Variants in SPAG16 observed in about 807,000 individuals in gnomAD.
SPAG16 encodes the protein sperm-associated antigen 16 protein.
A neutral mutation model predicts 80.4 loss-of-function variants in SPAG16; 86 were observed. The observed-to-expected ratio is 1.07, with a 90% CI of 0.90 to 1.28. The LOEUF (loss-of-function observed/expected upper bound fraction) is 1.28. Ranked by LOEUF, SPAG16 falls within the 50% of genes most tolerant of loss-of-function variation. The probability of loss-of-function intolerance (pLI) is 0.00; values close to 1 mark genes in which losing one functional copy is unlikely to be tolerated. For missense variants in SPAG16, 870 were observed against 765.3 expected, an observed-to-expected ratio of 1.14 and a Z score of -1.61; for synonymous variants, 294 against 265.9, an observed-to-expected ratio of 1.11 and a Z score of -1.03.
At chr2:213,603,938 T>G (rs1389745557) in intron 10 of SPAG16, among the ~76,000 whole-genome samples, 1 of 152,068 alleles carries the variant, frequency 6.6e-6, no homozygotes, top group Non-Finnish European at 1.5e-5. Flanking sequence ...TTTTTTTTTT[T>G]TTTGAGATAG....
chr2:214,315,348 TATA>T (rs1695599442), intron 15 of SPAG16, among the ~76,000 whole-genome samples: 1 of 152,142 alleles, frequency 6.6e-6, no homozygotes, highest in Non-Finnish European at 1.5e-5. Flanking sequence ...CTGGTTCCCT[TATA>T]ATCTCCATTT....
At chr2:214,097,430 C>T (rs966967480) in intron 13 of SPAG16, among the ~76,000 whole-genome samples, 2 of 152,004 alleles carry the variant, frequency 1.3e-5, no homozygotes, top group African/African-American at 2.4e-5. Flanking sequence ...TGGCTAAGTA[C>T]AGAAGGTTCT....
chr2:213,336,680 G>A (rs1228062260), intron 5 of SPAG16, among the ~76,000 whole-genome samples: 2 of 152,178 alleles, frequency 1.3e-5, no homozygotes. Context: ...ACTGGGTGAG[G>A]CCTCTCTGTG....
intron 15 of SPAG16, among the ~76,000 whole-genome samples, chr2:214,312,456 C>A (rs901815813): frequency 6.6e-6 from 1 of 152,140 alleles, no homozygotes; most frequent in Non-Finnish European, 1.5e-5. Flanking sequence ...TGCTCATATT[C>A]TCAAGGTGTA....
intron 11 of SPAG16, among the ~76,000 whole-genome samples, chr2:213,903,044 C>T (rs2077283125): frequency 6.6e-6 from 1 of 152,160 alleles, no homozygotes; most frequent in African/African-American, 2.4e-5. Context: ...TCTTGGGCAG[C>T]TCCACCCCTG....
chr2:213,743,552 A>T (rs1248551352), intron 10 of SPAG16, among the ~76,000 whole-genome samples: 2 of 152,292 alleles, frequency 1.3e-5, no homozygotes, highest in East Asian at 3.9e-4. Flanking sequence ...TTTAATATTA[A>T]GACATTTAAG....
intron 13 of SPAG16, among the ~76,000 whole-genome samples, chr2:214,047,425 G>A (rs916066601): frequency 1.2e-4 from 18 of 152,098 alleles, no homozygotes; most frequent in Admixed American, 5.9e-4. Flanking sequence ...CAAAAGTGCC[G>A]AGAACACACA....
chr2:213,388,476 A>C (rs1216969301), intron 9 of SPAG16, among the ~76,000 whole-genome samples: 3 of 152,202 alleles, frequency 2.0e-5, no homozygotes, highest in Non-Finnish European at 4.4e-5. Context: ...GAAAGTGACC[A>C]CACAAGCCTG....
chr2:214,400,995 G>T (rs1198696344), intron 15 of SPAG16, among the ~76,000 whole-genome samples: 1 of 151,990 alleles, frequency 6.6e-6, no homozygotes, highest in Non-Finnish European at 1.5e-5. Flanking sequence ...AAAAATGCTG[G>T]AAAAGTTTTT....
intron 10 of SPAG16, among the ~76,000 whole-genome samples, chr2:213,795,176 T>C (rs904879788): frequency 6.6e-6 from 1 of 152,196 alleles, no homozygotes; most frequent in African/African-American, 2.4e-5. Context: ...AGTTGTGAGA[T>C]AAACTCTGTA....
At chr2:214,252,400 C>T (rs1690357813) in intron 15 of SPAG16, among the ~76,000 whole-genome samples, 1 of 151,908 alleles carries the variant, frequency 6.6e-6, no homozygotes, top group Non-Finnish European at 1.5e-5. Flanking sequence ...CACCCATCAA[C>T]CCATCATCTA....
At chr2:213,284,888 T>G in intron 1 of SPAG16, 1 of 428,690 alleles carries the variant, frequency 2.3e-6, no homozygotes, top group South Asian at 8.3e-5. Flanking sequence ...ACTCAGTACA[T>G]TTTGGATGGA....
intron 10 of SPAG16, among the ~76,000 whole-genome samples, chr2:213,763,096 A>G (rs1268461637): frequency 6.6e-6 from 1 of 152,162 alleles, no homozygotes; most frequent in Non-Finnish European, 1.5e-5. Context: ...CACCTCACAC[A>G]TGTTAGGATG....
chr2:214,183,271 G>C (rs1414173913), intron 15 of SPAG16, among the ~76,000 whole-genome samples: 2 of 151,888 alleles, frequency 1.3e-5, no homozygotes, highest in Non-Finnish European at 2.9e-5. Flanking sequence ...TTTACTTCTT[G>C]AGATTACTAT....
At chr2:213,978,960 A>G (rs887088793) in intron 12 of SPAG16, among the ~76,000 whole-genome samples, 1 of 150,780 alleles carries the variant, frequency 6.6e-6, no homozygotes, top group Non-Finnish European at 1.5e-5. Flanking sequence ...TCGGGAAGTA[A>G]TAACAGAGAG....
intron 8 of SPAG16, among the ~76,000 whole-genome samples, chr2:213,374,715 C>G (rs1194166470): frequency 6.6e-6 from 1 of 151,972 alleles, no homozygotes; most frequent in Non-Finnish European, 1.5e-5. Flanking sequence ...ATCTTTAACT[C>G]TGTTTATAAA....
intron 15 of SPAG16, among the ~76,000 whole-genome samples, chr2:214,314,604 G>T (rs1479442182): frequency 6.6e-6 from 1 of 152,142 alleles, no homozygotes; most frequent in Non-Finnish European, 1.5e-5. Context: ...AATTTGGAAT[G>T]ACTGCTTTTA....
intron 15 of SPAG16, among the ~76,000 whole-genome samples, chr2:214,271,820 A>T (rs1381723354): frequency 2.0e-5 from 3 of 149,666 alleles, no homozygotes; most frequent in African/African-American, 4.9e-5. Flanking sequence ...TAAATAAATT[A>T]AAAAAAGAGA....
At chr2:213,954,077 CCAATGTTAGAA>C (rs1304641397) in intron 12 of SPAG16, among the ~76,000 whole-genome samples, 1 of 151,758 alleles carries the variant, frequency 6.6e-6, no homozygotes. Context: ...TTGCTATAAT[CCAATGTTAGAA>C]CAATCTTATC....
Sources: gnomAD v4.1 joint callset for allele counts (sites outside exome capture counted in the v4.1 genomes callset) on GRCh38, gnomAD v4.1.1 for gene constraint, MANE v1.5 for transcripts, NCBI Gene and HGNC (gene_info 2026-07-23, HGNC 2026-07-21) for gene names.